METTL9: variants seen among roughly 807,000 people sequenced by gnomAD.
The protein encoded by METTL9 is methyltransferase 9, His-X-His N1(pi)-histidine, also known as protein-L-histidine N-pros-methyltransferase.
Under a neutral mutation model 36.0 loss-of-function variants are expected in METTL9, and 10 were observed. That is an observed-to-expected ratio of 0.28 (90% CI 0.17 to 0.47). The LOEUF (loss-of-function observed/expected upper bound fraction) is 0.47. Among genes scored for constraint, METTL9 ranks in the 20% least tolerant of loss-of-function variants. The pLI, the probability that METTL9 is intolerant of heterozygous loss-of-function variation, is 0.99. For missense variants in METTL9, 246 were observed against 383.5 expected (o/e 0.64, Z 3.00); for synonymous variants, 175 against 149.7 (o/e 1.17, Z -1.23).
chr16:21,603,699 C>A (rs747978007), intron 1 of METTL9, among the ~76,000 whole-genome samples: 6 of 152,232 alleles, frequency 3.9e-5, no homozygotes, highest in Non-Finnish European at 8.8e-5. Flanking sequence ...GTAATAATAG[C>A]GGTTCAGTAG....
intron 4 of METTL9, among the ~76,000 whole-genome samples, chr16:21,642,818 C>G (rs773948493): frequency 6.6e-6 from 1 of 152,138 alleles, no homozygotes; most frequent in Non-Finnish European, 1.5e-5. Context: ...GTATTGAAAA[C>G]ATTGCTCGTG....
intron 4 of METTL9, among the ~76,000 whole-genome samples, chr16:21,651,330 T>C (rs1966570080): frequency 6.6e-6 from 1 of 151,874 alleles, no homozygotes; most frequent in Non-Finnish European, 1.5e-5. Context: ...TGTCTTGCTC[T>C]GTTGCCCAGG....
chr16:21,611,974 C>T (rs1399221388), intron 1 of METTL9: 1 of 152,166 alleles, frequency 6.6e-6, no homozygotes. Flanking sequence ...TCGTTGATTG[C>T]AGTATGACCT....
chr16:21,610,192 T>C (rs533153644), intron 1 of METTL9, among the ~76,000 whole-genome samples: 1 of 152,326 alleles, frequency 6.6e-6, no homozygotes, highest in African/African-American at 2.4e-5. Context: ...TACTATCTAC[T>C]TTCTATCTCT....
intron 4 of METTL9, chr16:21,644,401 A>G (rs1454783624): frequency 5.0e-6 from 8 of 1,599,212 alleles, no homozygotes; most frequent in Non-Finnish European, 6.9e-6. Context: ...TAATTTCTTA[A>G]TGACAAAAAC....
chr16:21,634,331 G>A (rs1339757223), intron 4 of METTL9, among the ~76,000 whole-genome samples: 1 of 152,146 alleles, frequency 6.6e-6, no homozygotes, highest in East Asian at 1.9e-4. Flanking sequence ...TGGATCATCC[G>A]GTTGGGGGCT....
intron 4 of METTL9, among the ~76,000 whole-genome samples, chr16:21,651,371 T>C (rs538334887): frequency 6.6e-6 from 1 of 152,300 alleles, no homozygotes; most frequent in African/African-American, 2.4e-5. Context: ...CACAGCTCCC[T>C]ATAGCCTGAA....
At chr16:21,617,214 C>G (rs560014082) in intron 2 of METTL9, among the ~76,000 whole-genome samples, 1 of 150,894 alleles carries the variant, frequency 6.6e-6, no homozygotes, top group African/African-American at 2.4e-5. Context: ...GGCAGGAGAT[C>G]GAGACCATCC....
At chr16:21,620,852 T>C (rs567190917) in intron 3 of METTL9, among the ~76,000 whole-genome samples, 1 of 152,298 alleles carries the variant, frequency 6.6e-6, no homozygotes, top group African/African-American at 2.4e-5. Context: ...GGTCACCCAA[T>C]CCAAGATGGC....
In METTL9 at chr16:21,599,842, ACT is replaced by A; in HGVS notation, c.110_111del (p.Thr37LysfsTer41). On this transcript the variant is annotated frameshift_variant, in exon 1 of 5. Coordinates refer to ENST00000358154, the MANE Select transcript of METTL9 (RefSeq NM_016025.5). LOFTEE classifies it high-confidence loss of function. This position sits in a 1 kb window ranked among gnomAD's most constrained non-coding sequence, Gnocchi z 4.4. ...PLTRSLYVNM[T>X]SGPGGPAAAA... ...CACCCGCTCCCTGTACGTGAACATG[ACT>A]AGCGGCCCGGGTGGGCCGGCGGCGG... is the stretch of plus-strand genomic sequence containing the variant. 1.2e-5 allele frequency: 19 copies of A among 1,525,828 alleles called. No individual in the cohort carries two copies. The highest frequency in any genetic ancestry group is 1.7e-5 in the Non-Finnish European group (19 of 1,143,304). 94.5% of individuals were successfully genotyped at this position (1,525,828 alleles called of 1,614,324 possible). A position where few individuals can be genotyped will look rare whatever the true frequency, so the allele number is the denominator to read the frequency against.
chr16:21,644,534 A>C, intron 4 of METTL9: 2 of 610,896 alleles, frequency 3.3e-6, no homozygotes, highest in Non-Finnish European at 5.8e-6. Flanking sequence ...TAAAAACTAG[A>C]CCTCAAAAGG....
intron 2 of METTL9, among the ~76,000 whole-genome samples, chr16:21,616,608 A>G (rs1008020232): frequency 2.0e-5 from 3 of 152,126 alleles, no homozygotes; most frequent in Non-Finnish European, 4.4e-5. Context: ...AGGCATCACT[A>G]TGGTTTTGAG....
chr16:21,640,965 A>G (rs975661156), intron 4 of METTL9: 2 of 151,998 alleles, frequency 1.3e-5, no homozygotes, highest in Admixed American at 1.3e-4. Flanking sequence ...TTATGGTCTT[A>G]CTCTAGCCAC....
At chr16:21,651,182 C>T (rs1966565531) in intron 4 of METTL9, among the ~76,000 whole-genome samples, 2 of 152,202 alleles carry the variant, frequency 1.3e-5, no homozygotes, top group South Asian at 4.1e-4. Context: ...GAGATCTTGC[C>T]ACTGCACTCC....
At chr16:21,636,507 C>T (rs1183946815) in intron 4 of METTL9, among the ~76,000 whole-genome samples, 1 of 152,256 alleles carries the variant, frequency 6.6e-6, no homozygotes. Context: ...GGCGTTAGGA[C>T]CCAGGAGGCA....
intron 3 of METTL9, among the ~76,000 whole-genome samples, chr16:21,623,207 C>T (rs1965745210): frequency 6.6e-6 from 1 of 152,142 alleles, no homozygotes; most frequent in Non-Finnish European, 1.5e-5. Context: ...AACACCTGCA[C>T]CAGTAAGGAA....
At chr16:21,605,254 CTTCTTTTTTTTTTTTTTTTT>C (rs1965245919) in intron 1 of METTL9, among the ~76,000 whole-genome samples, 1 of 41,798 alleles carries the variant, frequency 2.4e-5, no homozygotes, top group Non-Finnish European at 4.9e-5. Flanking sequence ...ATAGGCTTGC[CTTCTTTTTTTTTTTTTTTTT>C]TTTTTTTTTT....
intron 4 of METTL9, among the ~76,000 whole-genome samples, chr16:21,650,399 T>G (rs2141623729): frequency 6.6e-6 from 1 of 151,270 alleles, no homozygotes; most frequent in East Asian, 2.0e-4. Context: ...TCCCAGCTAC[T>G]TGGGAGGCTG....
chr16:21,633,757 C>T (rs1388568587), intron 4 of METTL9, among the ~76,000 whole-genome samples: 2 of 152,182 alleles, frequency 1.3e-5, no homozygotes, highest in Non-Finnish European at 1.5e-5. Context: ...GCTGCATTTC[C>T]ATACTAAGCC....
Sources: gnomAD v4.1 joint callset for allele counts (sites outside exome capture counted in the v4.1 genomes callset) on GRCh38, gnomAD v4.1.1 for gene constraint, Gnocchi (gnomAD v3.1) non-coding constraint, MANE v1.5 for transcripts, NCBI Gene and HGNC (gene_info 2026-07-23, HGNC 2026-07-21) for gene names.